Variants in ASH1L observed in about 807,000 individuals in gnomAD.
ASH1L encodes ASH1 like histone lysine methyltransferase.
In ASH1L, 23 loss-of-function variants were observed where a neutral mutation model predicts 269.0. The ratio of observed to expected loss-of-function variants is 0.09; its 90% CI spans 0.06 to 0.12. The LOEUF is 0.12. Among genes scored for constraint, ASH1L ranks in the 10% least tolerant of loss-of-function variants. The pLI, the probability that ASH1L is intolerant of heterozygous loss-of-function variation, is 1.00. For synonymous variants in ASH1L, 1,187 were observed against 1,253.5 expected, an observed-to-expected ratio of 0.95 and a Z score of 1.12; for missense variants, 2,912 against 3,567.8, an observed-to-expected ratio of 0.82 and a Z score of 4.68.
At chr1:155,447,472 C>T (rs940077590) in intron 4 of ASH1L, among the ~76,000 whole-genome samples, 8 of 152,082 alleles carry the variant, frequency 5.3e-5, no homozygotes, top group East Asian at 1.9e-4. Context: ...TCAGGCAATC[C>T]GCATGCCTCA....
At chr1:155,342,183 G>T in intron 24 of ASH1L, 81 bp from the exon 25 acceptor site, 1 of 1,365,576 alleles carries the variant, frequency 7.3e-7, no homozygotes, top group Non-Finnish European at 1.0e-6. Context: ...ACACACCAAT[G>T]GGAGAGCAGC....
Position 155,545,625 on chromosome 1 carries a change from GA to G in ASH1L, c.-100+16527del, listed in dbSNP as rs200558813. ...CATTTAAAGGAGAAAGGTTTGGAAG[GA>G]AAAAAAAAAAGGAAAAAAATTATAT... On this transcript the variant is annotated intron_variant, in intron 1 of 27. Transcript: ENST00000392403. 5.3e-3 allele frequency among the ~76,000 whole-genome samples: 714 copies of G among 133,474 alleles called. 7 individuals are homozygous for G. The highest frequency in any genetic ancestry group is 0.027 in the South Asian group (119 of 4,336). 87.6% of individuals were successfully genotyped at this position (133,474 alleles called of 152,430 possible).
intron 3 of ASH1L, among the ~76,000 whole-genome samples, chr1:155,470,365 AG>A (rs1431333154): frequency 6.6e-6 from 1 of 151,884 alleles, no homozygotes; most frequent in Admixed American, 6.6e-5. Context: ...AGGCTGAGGC[AG>A]GAGAATTGCT....
intron 2 of ASH1L, among the ~76,000 whole-genome samples, chr1:155,508,670 T>G (rs955780888): frequency 1.3e-5 from 2 of 152,104 alleles, no homozygotes; most frequent in Non-Finnish European, 2.9e-5. Context: ...TGAACATTAT[T>G]TCTTATAAAA....
chr1:155,441,014 T>C (rs567432089), intron 4 of ASH1L, among the ~76,000 whole-genome samples: 151 of 152,278 alleles, frequency 9.9e-4, no homozygotes, highest in Non-Finnish European at 1.6e-3. Flanking sequence ...AATCATAAAA[T>C]TCTGTCTTCT....
intron 12 of ASH1L, among the ~76,000 whole-genome samples, chr1:155,363,262 C>T (rs1271787027): frequency 1.3e-5 from 2 of 152,102 alleles, no homozygotes; most frequent in Middle Eastern, 3.2e-3. Flanking sequence ...GGATTATAGG[C>T]GTGAGCCACC....
chr1:155,352,591 G>T, intron 17 of ASH1L, 115 bp downstream of exon 17: 1 of 1,092,590 alleles, frequency 9.2e-7, no homozygotes, highest in Non-Finnish European at 1.3e-6. Context: ...GATCACTTGA[G>T]CCCAGGAGTC....
rs575072840 is a variant in ASH1L, at chr1:155,435,656, G to C, written c.5828+2671C>G. Among the ~76,000 whole-genome samples, 6 of 151,624 alleles carry C rather than the reference G, an allele frequency of 4.0e-5. No homozygotes were observed. In the South Asian group the frequency reaches 1.2e-3, roughly 31 times the overall value. ...AAAAAAAAAAACCCTCTCTATACAGGATTCACCAGGAGAGATGATAGAGAA... is the reference window on the plus strand; with the variant it reads ...AAAAAAAAAAACCCTCTCTATACAGCATTCACCAGGAGAGATGATAGAGAA... On this transcript the variant is annotated intron_variant, in intron 5 of 27. Transcript: ENST00000392403.
At chr1:155,527,633 C>T (rs369637213) in intron 1 of ASH1L, among the ~76,000 whole-genome samples, 2 of 150,102 alleles carry the variant, frequency 1.3e-5, no homozygotes, top group Non-Finnish European at 3.0e-5. Flanking sequence ...AAATCCTGGG[C>T]TCAAGTGATT....
intron 6 of ASH1L, among the ~76,000 whole-genome samples, chr1:155,402,881 T>C (rs1886905): frequency 0.55 from 80,875 of 146,346 alleles, 25,321 homozygotes; most frequent in Non-Finnish European, 0.71. Flanking sequence ...TTTTTTTTTT[T>C]CAGCATAAAA....
chr1:155,353,024 C>G (rs146643109), intron 16 of ASH1L, among the ~76,000 whole-genome samples, 166 bp from the exon 17 acceptor site: 2 of 152,274 alleles, frequency 1.3e-5, no homozygotes, highest in South Asian at 2.1e-4. Context: ...TCAGGAAACA[C>G]TGGAATTTAC....
intron 1 of ASH1L, among the ~76,000 whole-genome samples, chr1:155,523,705 T>C (rs887189932): frequency 2.6e-5 from 4 of 152,096 alleles, no homozygotes; most frequent in Non-Finnish European, 5.9e-5. Context: ...AACCCGTCTC[T>C]ACTAAAAGTA....
At chr1:155,562,012 C>G in intron 1 of ASH1L, 141 bp downstream of exon 1, 1 of 645,050 alleles carries the variant, frequency 1.6e-6, no homozygotes, top group East Asian at 3.0e-5. Flanking sequence ...GATCCCCCTC[C>G]CTGCTCTCCC....
At chr1:155,354,039 C>T (rs1183886427) in intron 16 of ASH1L, among the ~76,000 whole-genome samples, 1 of 152,206 alleles carries the variant, frequency 6.6e-6, no homozygotes, top group Non-Finnish European at 1.5e-5. Flanking sequence ...TAGGTTATTA[C>T]TGACTGATGT....
At chr1:155,454,682 C>T (rs1326125303) in intron 4 of ASH1L, among the ~76,000 whole-genome samples, 8 of 151,976 alleles carry the variant, frequency 5.3e-5, no homozygotes, top group Admixed American at 6.6e-5. Flanking sequence ...GCAGGAGAAT[C>T]GCATGAACCT....
chr1:155,439,187 A>AG, intron 4 of ASH1L, 119 bp from the exon 5 acceptor site: 1 of 1,081,344 alleles, frequency 9.2e-7, no homozygotes, highest in Non-Finnish European at 1.3e-6. Context: ...TACACATCAT[A>AG]GGTAAATTGA....
chr1:155,470,202 T>TA (rs1293518205), intron 3 of ASH1L, among the ~76,000 whole-genome samples: 1 of 152,118 alleles, frequency 6.6e-6, no homozygotes, highest in Non-Finnish European at 1.5e-5. Context: ...CTCACACCTG[T>TA]AATCCCAGCA....
chr1:155,551,364 A>G (rs925694677), intron 1 of ASH1L, among the ~76,000 whole-genome samples: 3 of 152,192 alleles, frequency 2.0e-5, no homozygotes, highest in South Asian at 4.1e-4. Flanking sequence ...TCTTGAGTCT[A>G]TCTTAAGAAT....
In ASH1L at chr1:155,438,411, T is replaced by TC; in HGVS notation, c.5743_5744insG (p.Lys1915ArgfsTer27). 2 of 1,612,682 alleles carry TC rather than the reference T, an allele frequency of 1.2e-6. No homozygotes were observed. Among genetic ancestry groups the TC allele is most frequent in the Non-Finnish European group, 1.7e-6 (2 of 1,179,658 alleles). Reference sequence around the variant, plus strand: ...TTCTTCCAATAGCCAACCTTTTCTCTTCAACCCCTTTTTATGTTCTGGGTT... The same window carrying TC: ...TTCTTCCAATAGCCAACCTTTTCTCTCTCAACCCCTTTTTATGTTCTGGGTT... On this transcript the variant is annotated frameshift_variant, in exon 5 of 28. Coordinates refer to ENST00000392403, the MANE Select transcript of ASH1L (RefSeq NM_018489.3). LOFTEE classifies it high-confidence loss of function.
Sources: gnomAD v4.1 joint callset for allele counts (sites outside exome capture counted in the v4.1 genomes callset) on GRCh38, gnomAD v4.1.1 for gene constraint, MANE v1.5 for transcripts, NCBI Gene and HGNC (gene_info 2026-07-23, HGNC 2026-07-21) for gene names.